GFRA1: variants seen among roughly 807,000 people sequenced by gnomAD.
The protein encoded by GFRA1 is GDNF family receptor alpha 1, also known as GDNF family receptor alpha-1.
Under a neutral mutation model 51.6 loss-of-function variants are expected in GFRA1, and 16 were observed. That is an observed-to-expected ratio of 0.31 (90% confidence interval 0.21 to 0.47). The LOEUF (loss-of-function observed/expected upper bound fraction) is 0.47, where lower values mean the gene tolerates loss of function less well. Ranked by LOEUF, GFRA1 falls within the 20% of genes least tolerant of loss-of-function variation. GFRA1 has a pLI of 1.00. For synonymous variants in GFRA1, 270 were observed against 241.3 expected (o/e 1.12, Z -1.10); for missense variants, 530 against 594.3 (o/e 0.89, Z 1.13).
At chr10:116,268,770 T>G (rs1969864201) in intron 4 of GFRA1, among the ~76,000 whole-genome samples, 1 of 152,226 alleles carries the variant, frequency 6.6e-6, no homozygotes, top group Admixed American at 6.5e-5. Flanking sequence ...GGAATCTGTA[T>G]GTCATAAAGA....
chr10:116,067,995 C>T (rs1385518290), intron 9 of GFRA1, among the ~76,000 whole-genome samples: 1 of 152,210 alleles, frequency 6.6e-6, no homozygotes, highest in Non-Finnish European at 1.5e-5. Context: ...GCCTTGTCTC[C>T]GTGTAGTCCC....
rs997720414 is a variant in GFRA1, at chr10:116,061,546, C to T, written c.*2852G>A. On this transcript the variant is annotated 3_prime_UTR_variant, in exon 11 of 11. Coordinates refer to ENST00000355422, the MANE Select transcript of GFRA1 (RefSeq NM_005264.8). ...CAGTGTGGCAATACTGCCTTTATTC[C>T]CCCTCTCTTTCTCTCTGAAATAAGT... The T allele has an allele frequency of 6.4e-6, 1 of 155,218 alleles. No homozygotes were observed. The highest frequency in any genetic ancestry group is 2.4e-5 in the African/African-American group (1 of 41,558). 9.6% of individuals were successfully genotyped at this position (155,218 alleles called of 1,614,324 possible).
chr10:116,139,042 T>C (rs1211787054), intron 5 of GFRA1, among the ~76,000 whole-genome samples: 1 of 152,198 alleles, frequency 6.6e-6, no homozygotes, highest in Non-Finnish European at 1.5e-5. Flanking sequence ...AGTATTCTCG[T>C]GGTGTTGGGC....
chr10:116,269,455 G>T, intron 4 of GFRA1, 48 bp downstream of exon 4: 1 of 1,046,704 alleles, frequency 9.6e-7, no homozygotes, highest in South Asian at 1.3e-5. Context: ...GCAAGCCAAC[G>T]AATTCAAGCA....
At chr10:116,118,643 C>T (rs1957523890) in intron 6 of GFRA1, among the ~76,000 whole-genome samples, 1 of 152,162 alleles carries the variant, frequency 6.6e-6, no homozygotes, top group African/African-American at 2.4e-5. Context: ...AGGTGGATTC[C>T]ATTCCATTCC....
At chr10:116,150,343 C>T (rs762591679) in intron 5 of GFRA1, among the ~76,000 whole-genome samples, 6 of 152,188 alleles carry the variant, frequency 3.9e-5, no homozygotes, top group Non-Finnish European at 8.8e-5. Flanking sequence ...AACTCTGGCC[C>T]TACTTCATTT....
chr10:116,141,398 G>T (rs1306671843), intron 5 of GFRA1, among the ~76,000 whole-genome samples: 1 of 152,178 alleles, frequency 6.6e-6, no homozygotes. Flanking sequence ...GCTCCTCAGG[G>T]CATCCAGGTC....
chr10:116,227,243 A>T (rs1003552125), intron 4 of GFRA1, among the ~76,000 whole-genome samples: 5 of 152,216 alleles, frequency 3.3e-5, no homozygotes, highest in Admixed American at 3.3e-4. Flanking sequence ...TCTAGGGATC[A>T]AACTGTTATC....
intron 4 of GFRA1, among the ~76,000 whole-genome samples, chr10:116,213,237 G>A (rs529589106): frequency 2.0e-5 from 3 of 152,160 alleles, no homozygotes; most frequent in African/African-American, 2.4e-5. Context: ...TGTTTATACT[G>A]GCAAAACACT....
chr10:116,124,157 A>T (rs1463811928), intron 6 of GFRA1, among the ~76,000 whole-genome samples: 1 of 152,038 alleles, frequency 6.6e-6, no homozygotes, highest in Non-Finnish European at 1.5e-5. Context: ...TGCCTGCCTC[A>T]GCCTCCCAAA....
intron 5 of GFRA1, among the ~76,000 whole-genome samples, chr10:116,175,361 A>G (rs903527161): frequency 6.6e-6 from 1 of 152,146 alleles, no homozygotes. Flanking sequence ...TCCCAGCTCC[A>G]AGAGATGGCT....
intron 4 of GFRA1, among the ~76,000 whole-genome samples, chr10:116,258,830 T>C (rs79390814): frequency 0.033 from 5,049 of 152,320 alleles, 133 homozygotes; most frequent in Admixed American, 0.059. Context: ...CCTAGCTCGC[T>C]GCAACTCACA....
At chr10:116,099,008 G>A (rs535104907) in intron 6 of GFRA1, among the ~76,000 whole-genome samples, 6 of 152,210 alleles carry the variant, frequency 3.9e-5, no homozygotes, top group Non-Finnish European at 8.8e-5. Context: ...ATGTAAGGGT[G>A]AGCACATGAG....
intron 8 of GFRA1, among the ~76,000 whole-genome samples, chr10:116,093,452 G>A (rs1034914707): frequency 1.3e-5 from 2 of 152,166 alleles, no homozygotes; most frequent in Non-Finnish European, 2.9e-5. Context: ...CACAGTCTTA[G>A]CAGCACCCAG....
chr10:116,144,309 A>C (rs969272192), intron 5 of GFRA1, among the ~76,000 whole-genome samples: 1 of 152,168 alleles, frequency 6.6e-6, no homozygotes, highest in Non-Finnish European at 1.5e-5. Context: ...TCACTCATTC[A>C]TTCATTCATA....
intron 9 of GFRA1, among the ~76,000 whole-genome samples, chr10:116,082,113 C>T (rs1287046096): frequency 6.6e-6 from 1 of 152,222 alleles, no homozygotes; most frequent in Non-Finnish European, 1.5e-5. Flanking sequence ...ATGTTAACAA[C>T]TGCATCACCT....
chr10:116,139,540 G>C (rs1958474957), intron 5 of GFRA1, among the ~76,000 whole-genome samples: 1 of 152,242 alleles, frequency 6.6e-6, no homozygotes, highest in South Asian at 2.1e-4. Flanking sequence ...GGCTGAAGCT[G>C]AATGTGAGTG....
At chr10:116,219,900 T>C (rs186945143) in intron 4 of GFRA1, among the ~76,000 whole-genome samples, 15 of 152,310 alleles carry the variant, frequency 9.8e-5, no homozygotes, top group Admixed American at 9.8e-4. Context: ...ATCTGGATTC[T>C]AGTTTGCAGT....
At chr10:116,131,050 A>G (rs1420641041) in intron 5 of GFRA1, among the ~76,000 whole-genome samples, 1 of 152,164 alleles carries the variant, frequency 6.6e-6, no homozygotes, top group Non-Finnish European at 1.5e-5. Flanking sequence ...TCTAAAATAT[A>G]TTAAAAATGC....
Sources: gnomAD v4.1 joint callset for allele counts (sites outside exome capture counted in the v4.1 genomes callset) on GRCh38, gnomAD v4.1.1 for gene constraint, MANE v1.5 for transcripts, NCBI Gene and HGNC (gene_info 2026-07-23, HGNC 2026-07-21) for gene names.